Variants in VEGFC observed in about 807,000 individuals in gnomAD.
VEGFC encodes vascular endothelial growth factor C.
A neutral mutation model predicts 46.1 loss-of-function variants in VEGFC; 12 were observed. That is an observed-to-expected ratio of 0.26 (90% CI 0.17 to 0.42). VEGFC has a LOEUF of 0.42. Ranked by LOEUF, VEGFC falls within the 10% of genes least tolerant of loss-of-function variation. The pLI is 1.00. For synonymous variants in VEGFC, 232 were observed against 195.5 expected, an observed-to-expected ratio of 1.19 and a Z score of -1.56; for missense variants, 488 against 529.4, an observed-to-expected ratio of 0.92 and a Z score of 0.77.
At chr4:176,739,377 T>C (rs992496825) in intron 1 of VEGFC, among the ~76,000 whole-genome samples, 5 of 151,880 alleles carry the variant, frequency 3.3e-5, no homozygotes, top group East Asian at 2.0e-4. Context: ...ATAAAGAGAA[T>C]GTGGTACATA....
intron 4 of VEGFC, among the ~76,000 whole-genome samples, chr4:176,696,927 C>T (rs1414040748): frequency 6.6e-6 from 1 of 151,438 alleles, no homozygotes; most frequent in Admixed American, 6.6e-5. Context: ...AACTGGCTAG[C>T]CATATGTAGA....
intron 4 of VEGFC, among the ~76,000 whole-genome samples, chr4:176,710,284 G>A (rs1402137270): frequency 1.3e-5 from 2 of 152,152 alleles, no homozygotes; most frequent in African/African-American, 4.8e-5. Context: ...GGCTGAGGAA[G>A]GTGAACAGAA....
intron 1 of VEGFC, among the ~76,000 whole-genome samples, chr4:176,783,688 A>T (rs1475969524): frequency 6.6e-6 from 1 of 152,128 alleles, no homozygotes; most frequent in Non-Finnish European, 1.5e-5. Flanking sequence ...CCTCCAGGAG[A>T]GGAACAAACC....
intron 4 of VEGFC, among the ~76,000 whole-genome samples, chr4:176,708,423 T>C (rs1221422355): frequency 5.9e-5 from 9 of 152,098 alleles, no homozygotes; most frequent in Non-Finnish European, 1.2e-4. Context: ...TTCCTTTTTA[T>C]GTATAAAGCA....
intron 4 of VEGFC, among the ~76,000 whole-genome samples, 190 bp downstream of exon 4, chr4:176,711,309 G>A (rs1017339347): frequency 1.3e-5 from 2 of 151,954 alleles, no homozygotes; most frequent in African/African-American, 4.8e-5. Flanking sequence ...TCTAAAATAC[G>A]CTTCCCACTG....
intron 1 of VEGFC, among the ~76,000 whole-genome samples, chr4:176,760,596 T>A (rs866455567): frequency 1.6e-4 from 24 of 152,156 alleles, no homozygotes; most frequent in Non-Finnish European, 1.9e-4. Context: ...CAGCAAGCTT[T>A]TTCTCTTTCC....
chr4:176,731,549 T>G (rs1321906630), intron 1 of VEGFC, among the ~76,000 whole-genome samples: 2 of 151,800 alleles, frequency 1.3e-5, no homozygotes, highest in Non-Finnish European at 2.9e-5. Flanking sequence ...GACAGATCAG[T>G]TTTTGTTTGT....
chr4:176,739,602 G>T (rs570624483), intron 1 of VEGFC, among the ~76,000 whole-genome samples: 11 of 151,782 alleles, frequency 7.2e-5, no homozygotes, highest in Non-Finnish European at 1.5e-5. Context: ...TGGGGGGAGC[G>T]TATGAGGGTA....
chr4:176,784,779 A>AAG (rs1553998122), intron 1 of VEGFC, among the ~76,000 whole-genome samples: 22,855 of 99,458 alleles, frequency 0.23, 6,115 homozygotes, highest in Non-Finnish European at 0.33. Context: ...AAAAAAAAAA[A>AAG]GATAAAGTAA....
intron 4 of VEGFC, among the ~76,000 whole-genome samples, chr4:176,691,947 G>A (rs557610642): frequency 7.2e-5 from 11 of 152,254 alleles, no homozygotes; most frequent in South Asian, 4.1e-4. Flanking sequence ...TGCACGCACC[G>A]TGCGCGAGCC....
intron 6 of VEGFC, among the ~76,000 whole-genome samples, chr4:176,685,575 T>C (rs1233654884): frequency 1.3e-5 from 2 of 152,032 alleles, no homozygotes; most frequent in African/African-American, 4.8e-5. Context: ...TGTAGAAAAG[T>C]AGGTATGCAG....
chr4:176,786,876 G>C (rs1443503138), intron 1 of VEGFC, among the ~76,000 whole-genome samples: 2 of 152,050 alleles, frequency 1.3e-5, no homozygotes, highest in South Asian at 4.1e-4. Flanking sequence ...GCAGCCCCAA[G>C]GCAATAAAGC....
At chr4:176,726,372 G>A (rs1734873107) in intron 3 of VEGFC, among the ~76,000 whole-genome samples, 1 of 151,516 alleles carries the variant, frequency 6.6e-6, no homozygotes, top group Admixed American at 6.6e-5. Context: ...AACTAACTAT[G>A]ATACTAAAAG....
At chr4:176,761,600 T>G (rs542137352) in intron 1 of VEGFC, among the ~76,000 whole-genome samples, 1 of 152,184 alleles carries the variant, frequency 6.6e-6, no homozygotes, top group African/African-American at 2.4e-5. Flanking sequence ...CAGTAATTTG[T>G]AATGTTGAAT....
At chr4:176,755,591 T>C (rs1288090525) in intron 1 of VEGFC, among the ~76,000 whole-genome samples, 1 of 152,020 alleles carries the variant, frequency 6.6e-6, no homozygotes, top group Non-Finnish European at 1.5e-5. Flanking sequence ...CTTGCCTCAA[T>C]TCCCTGTCTC....
chr4:176,715,836 C>T (rs1734690388), intron 3 of VEGFC, among the ~76,000 whole-genome samples: 1 of 152,032 alleles, frequency 6.6e-6, no homozygotes, highest in African/African-American at 2.4e-5. Context: ...AAAATAAATA[C>T]ATAACATTTT....
At chr4:176,770,559 G>C (rs1735704286) in intron 1 of VEGFC, among the ~76,000 whole-genome samples, 1 of 150,456 alleles carries the variant, frequency 6.6e-6, no homozygotes, top group Admixed American at 6.6e-5. Context: ...TGAGAAAGCA[G>C]ACCAGAATAA....
At chr4:176,710,146 T>C (rs901232525) in intron 4 of VEGFC, among the ~76,000 whole-genome samples, 1 of 152,136 alleles carries the variant, frequency 6.6e-6, no homozygotes, top group African/African-American at 2.4e-5. Context: ...CAATAGAAGA[T>C]AGATTTAGAT....
chr4:176,755,799 C>T (rs938920361), intron 1 of VEGFC, among the ~76,000 whole-genome samples: 1 of 151,966 alleles, frequency 6.6e-6, no homozygotes, highest in Non-Finnish European at 1.5e-5. Flanking sequence ...TACCACATTA[C>T]TGTACAGCCA....
Sources: gnomAD v4.1 joint callset for allele counts (sites outside exome capture counted in the v4.1 genomes callset) on GRCh38, gnomAD v4.1.1 for gene constraint, MANE v1.5 for transcripts, NCBI Gene and HGNC (gene_info 2026-07-23, HGNC 2026-07-21) for gene names.